BRWD3: variants seen among roughly 807,000 people sequenced by gnomAD.
The protein encoded by BRWD3 is bromodomain and WD repeat domain containing 3, also known as bromodomain and WD repeat-containing protein 3.
In BRWD3, 10 loss-of-function variants were observed where a neutral mutation model predicts 149.7. The ratio of observed to expected loss-of-function variants is 0.07; its 90% confidence interval spans 0.04 to 0.11. The LOEUF (loss-of-function observed/expected upper bound fraction) is 0.11, where lower values mean the gene tolerates loss of function less well. Among genes scored for constraint, BRWD3 ranks in the 10% least tolerant of loss-of-function variants. The pLI, the probability that BRWD3 is intolerant of heterozygous loss-of-function variation, is 1.00. For synonymous variants in BRWD3, 504 were observed against 456.7 expected (o/e 1.10, Z -1.32); for missense variants, 940 against 1,373.2 (o/e 0.68, Z 4.99).
intron 22 of BRWD3, 126 bp from the exon 23 acceptor site, chrX:80,704,972 A>T (rs2072841503): frequency 1.4e-6 from 1 of 735,175 alleles, no homozygotes; most frequent in East Asian, 3.5e-5. Context: ...TTCTAACTTA[A>T]GAGAAAAAAT....
In BRWD3 at chrX:80,712,811, G is replaced by A. The variant is rs2073002744; in HGVS notation, c.2326-3234C>T. On this transcript the variant is annotated intron_variant, in intron 20 of 40. Transcript: ENST00000373275. Reference sequence around the variant, plus strand: ...CTCTGCCCGGCCGCGACCCCGTCTGGGAGGTGAGGAGCGTCTCTGCCCAGC... The same window carrying A: ...CTCTGCCCGGCCGCGACCCCGTCTGAGAGGTGAGGAGCGTCTCTGCCCAGC... 4.6e-5 allele frequency among the ~76,000 whole-genome samples: 5 copies of A among 108,165 alleles called. No individual in the cohort carries two copies. The Admixed American group carries it at 4.8e-4, about 10-fold the overall frequency. 93.9% of individuals were successfully genotyped at this position (108,165 alleles called of 115,157 possible).
chrX:80,777,309 C>A (rs1461094269), intron 6 of BRWD3, among the ~76,000 whole-genome samples: 1 of 111,659 alleles, frequency 9.0e-6, no homozygotes, highest in Non-Finnish European at 1.9e-5. Context: ...AGCCAGGTAA[C>A]TATCATATCT....
At chrX:80,795,194 T>G (rs778486691) in intron 4 of BRWD3, among the ~76,000 whole-genome samples, 1 of 111,279 alleles carries the variant, frequency 9.0e-6, no homozygotes, top group African/African-American at 3.3e-5. Flanking sequence ...CTGAGGTGTT[T>G]CATAAATACT....
Position 80,786,184 on chromosome X carries a change from T to C in BRWD3, c.430+5670A>G, listed in dbSNP as rs111844923. ...CACATGTGGTTGCTGAATGTCAAAT[T>C]ACTTAAAATTAAATAAAATAAATAT... On this transcript the variant is annotated intron_variant, in intron 6 of 40. Coordinates refer to ENST00000373275, the MANE Select transcript of BRWD3 (RefSeq NM_153252.5). Among the ~76,000 whole-genome samples, 619 of 112,210 alleles carry C rather than the reference T, an allele frequency of 5.5e-3. 6 individuals are homozygous for C. The highest frequency in any genetic ancestry group is 0.023 in the South Asian group (63 of 2,736).
chrX:80,724,444 G>A (rs943505308), intron 15 of BRWD3, among the ~76,000 whole-genome samples: 1 of 111,413 alleles, frequency 9.0e-6, no homozygotes, highest in African/African-American at 3.3e-5. Flanking sequence ...CACCATAGAA[G>A]GGTGTTCTGA....
At chrX:80,708,074 C>T (rs1004353547) in intron 21 of BRWD3, among the ~76,000 whole-genome samples, 1 of 111,991 alleles carries the variant, frequency 8.9e-6, no homozygotes, top group Middle Eastern at 4.2e-3. Context: ...AAAGTACAAC[C>T]GCAATGCTGT....
intron 20 of BRWD3, among the ~76,000 whole-genome samples, chrX:80,713,586 C>T (rs2073027731): frequency 9.1e-6 from 1 of 110,089 alleles, no homozygotes; most frequent in Non-Finnish European, 1.9e-5. Context: ...CTAGGAAAAC[C>T]AGAGACCTTT....
intron 8 of BRWD3, among the ~76,000 whole-genome samples, chrX:80,737,152 C>CTCAT (rs2073415744): frequency 9.0e-6 from 1 of 111,375 alleles, no homozygotes; most frequent in Non-Finnish European, 1.9e-5. Context: ...GAAACCAGGA[C>CTCAT]TCATGCCTAT....
chrX:80,706,310 T>C (rs754589982), intron 22 of BRWD3, among the ~76,000 whole-genome samples: 1 of 111,428 alleles, frequency 9.0e-6, no homozygotes, highest in Non-Finnish European at 1.9e-5. Flanking sequence ...GGTTTTACCA[T>C]GTTGGCCAGG....
At chrX:80,809,170 A>C in intron 2 of BRWD3, 76 bp downstream of exon 2, 1 of 1,145,092 alleles carries the variant, frequency 8.7e-7, no homozygotes. Flanking sequence ...CCCTCAACGG[A>C]ACTGCTCGTC....
intron 6 of BRWD3, among the ~76,000 whole-genome samples, chrX:80,789,667 C>T (rs1015619042): frequency 1.8e-5 from 2 of 111,059 alleles, no homozygotes; most frequent in African/African-American, 3.3e-5. Flanking sequence ...TGAGCCACCC[C>T]GCCTGGCCTC....
chrX:80,767,556 C>T (rs1207810388), intron 6 of BRWD3, among the ~76,000 whole-genome samples: 1 of 111,512 alleles, frequency 9.0e-6, no homozygotes, highest in Non-Finnish European at 1.9e-5. Context: ...CTGTAGGTCA[C>T]CAACATCAAA....
chrX:80,809,687 A>AGGAGAG lies in BRWD3; in HGVS notation c.-222_-217dup, dbSNP rs1289693457. The AGGAGAG allele has an allele frequency of 2.5e-5, 9 of 360,542 alleles. No individual in the cohort carries two copies. Among genetic ancestry groups the AGGAGAG allele is most frequent in the Non-Finnish European group, 4.4e-5 (9 of 206,779 alleles). The allele number at this position is 360,542 out of a possible 1,213,427, so 29.7% of individuals were successfully genotyped here. On this transcript the variant is annotated 5_prime_UTR_variant, in exon 1 of 41. Coordinates refer to ENST00000373275, the MANE Select transcript of BRWD3 (RefSeq NM_153252.5). ...GCTGAGGAGGCGGAGGAGGAAGGAG[A>AGGAGAG]GGAGAGGGAGAGGGAGAGAGAGAGT...
At chrX:80,723,150 T>C (rs2073173747) in intron 16 of BRWD3, among the ~76,000 whole-genome samples, 1 of 111,630 alleles carries the variant, frequency 9.0e-6, no homozygotes. Context: ...CAAATGAAGA[T>C]AGATGAAGTA....
intron 24 of BRWD3, among the ~76,000 whole-genome samples, chrX:80,701,828 ATCTATGTGTAGG>A (rs2072794956): frequency 9.0e-6 from 1 of 111,194 alleles, no homozygotes; most frequent in East Asian, 2.8e-4. Flanking sequence ...ATCATTGAAC[ATCTATGTGTAGG>A]CACTAGATGC....
rs377543287 is a variant in BRWD3 at position 80,693,039 on chromosome X, C to T, written c.3164G>A (p.Arg1055His). 13 of 1,197,092 alleles carry T rather than the reference C, an allele frequency of 1.1e-5. No individual in the cohort carries two copies. In the African/African-American group the frequency reaches 1.2e-4, roughly 11 times the overall value. ...CCACCAGGCGTCATCTATTATACTG[C>T]GGAATCTATCACCTATAATGTTTTA... Reference protein sequence around the residue: ...ERNWQIGDRFRSIIDDAWWFG... With the variant: ...ERNWQIGDRFHSIIDDAWWFG... The change falls in exon 28 of 41, where the codon CGC (arginine) becomes CAC (histidine). Residue 1055 changes from arginine to histidine, a missense_variant. Around this residue, in one of 6 missense-constraint regions of BRWD3, gnomAD observed 158 missense variants for 284.0 expected, o/e 0.56. Coordinates refer to ENST00000373275, the MANE Select transcript of BRWD3 (RefSeq NM_153252.5).
intron 25 of BRWD3, among the ~76,000 whole-genome samples, chrX:80,698,479 C>T (rs760088107): frequency 1.5e-3 from 163 of 110,802 alleles, no homozygotes; most frequent in Middle Eastern, 9.2e-3. Flanking sequence ...GAGGCCAAGT[C>T]GGGTGGATCA....
At chrX:80,712,965 C>A (rs1306556808) in intron 20 of BRWD3, among the ~76,000 whole-genome samples, 7 of 110,618 alleles carry the variant, frequency 6.3e-5, no homozygotes, top group Non-Finnish European at 1.3e-4. Flanking sequence ...CCCACCCCGT[C>A]TGGGAAGTGA....
chrX:80,808,851 G>A (rs932509863), intron 3 of BRWD3, among the ~76,000 whole-genome samples, 162 bp downstream of exon 3: 11 of 107,231 alleles, frequency 1.0e-4, no homozygotes, highest in Non-Finnish European at 1.9e-4. Context: ...CCCCAGCGTT[G>A]TCTGCCCCTT....
Sources: gnomAD v4.1 joint callset for allele counts (sites outside exome capture counted in the v4.1 genomes callset) on GRCh38, gnomAD v4.1.1 for gene constraint, gnomAD v4.1.1 regional missense constraint, MANE v1.5 for transcripts, NCBI Gene and HGNC (gene_info 2026-07-23, HGNC 2026-07-21) for gene names.